The following FER1L6 variants were observed in gnomAD, a reference collection of about 807,000 sequenced individuals.
FER1L6 encodes the protein fer-1-like protein 6.
In FER1L6, 177 loss-of-function variants were observed where a neutral mutation model predicts 219.2. The observed-to-expected ratio is 0.81, with a 90% confidence interval of 0.71 to 0.91. The LOEUF is 0.91. Among genes scored for constraint, FER1L6 ranks in the 40% least tolerant of loss-of-function variants. FER1L6 has a pLI of 0.00. For synonymous variants in FER1L6, 768 were observed against 824.3 expected (o/e 0.93, Z 1.17); for missense variants, 2,153 against 2,259.9 (o/e 0.95, Z 0.96).
At chr8:124,012,054 C>T (rs1378388919) in intron 14 of FER1L6, among the ~76,000 whole-genome samples, 1 of 152,142 alleles carries the variant, frequency 6.6e-6, no homozygotes, top group Non-Finnish European at 1.5e-5. Context: ...TGACATCTTG[C>T]ACCTCCCCTT....
intron 1 of FER1L6, among the ~76,000 whole-genome samples, chr8:123,911,927 G>A (rs565080906): frequency 5.3e-5 from 8 of 152,166 alleles, no homozygotes; most frequent in Non-Finnish European, 1.0e-4. Flanking sequence ...TGGCGTGTGC[G>A]CTGTGAAGTC....
intron 22 of FER1L6, 60 bp downstream of exon 22, chr8:124,049,816 C>T (rs374213355): frequency 2.6e-6 from 4 of 1,538,974 alleles, no homozygotes; most frequent in East Asian, 4.5e-5. Flanking sequence ...GAAGTGGCCT[C>T]ACCACAAATG....
At chr8:123,995,143 T>C (rs902877089) in intron 12 of FER1L6, among the ~76,000 whole-genome samples, 2 of 152,238 alleles carry the variant, frequency 1.3e-5, no homozygotes, top group African/African-American at 2.4e-5. Flanking sequence ...AGTTCCTGCA[T>C]TGTTTCTTGA....
At chr8:123,975,753 G>T in intron 8 of FER1L6, 145 bp from the exon 9 acceptor site, 1 of 669,966 alleles carries the variant, frequency 1.5e-6, no homozygotes, top group Non-Finnish European at 2.5e-6. Context: ...ACACTATAAA[G>T]AAAACTCATT....
intron 1 of FER1L6, among the ~76,000 whole-genome samples, chr8:123,875,189 A>T (rs10111359): frequency 6.6e-6 from 1 of 151,460 alleles, no homozygotes; most frequent in Non-Finnish European, 1.5e-5. Context: ...AGTGAGACTC[A>T]GTCTAAAAAA....
chr8:123,934,040 C>T (rs1813887797), intron 1 of FER1L6, among the ~76,000 whole-genome samples: 1 of 152,088 alleles, frequency 6.6e-6, no homozygotes, highest in African/African-American at 2.4e-5. Flanking sequence ...TCATCATTTC[C>T]TAAGAACAAG....
At chr8:124,054,656 G>A (rs1820199691) in intron 22 of FER1L6, among the ~76,000 whole-genome samples, 1 of 152,142 alleles carries the variant, frequency 6.6e-6, no homozygotes. Context: ...CAACTAACTG[G>A]GCAAAGAGCC....
rs966220920 is a variant in FER1L6 at position 124,097,978 on chromosome 8, C to T, written c.4883+95C>T. On this transcript the variant is annotated intron_variant, in intron 37 of 40. Coordinates refer to ENST00000522917, the MANE Select transcript of FER1L6 (RefSeq NM_001039112.2). ...TATGCCTCATGGAGGATACTAAACC[C>T]ACAGCCCACAAAGTGAGCCATCTTA... The T allele has an allele frequency of 9.0e-6, 6 of 663,236 alleles. No individual in the cohort carries two copies. The Admixed American group carries it at 1.1e-4, about 12-fold the overall frequency. 41.1% of individuals were successfully genotyped at this position (663,236 alleles called of 1,614,324 possible).
At chr8:123,916,310 A>G (rs1041513972) in intron 1 of FER1L6, among the ~76,000 whole-genome samples, 1 of 152,242 alleles carries the variant, frequency 6.6e-6, no homozygotes, top group Non-Finnish European at 1.5e-5. Context: ...CTTGGATGGC[A>G]CCTGGAACAA....
intron 39 of FER1L6, among the ~76,000 whole-genome samples, chr8:124,118,171 A>G (rs116763412): frequency 1.3e-3 from 196 of 152,334 alleles, no homozygotes; most frequent in African/African-American, 4.5e-3. Flanking sequence ...AGGCGTGAAC[A>G]AGAGAAAATG....
Position 123,975,316 on chromosome 8 carries a change from G to A in FER1L6, c.683+10G>A, listed in dbSNP as rs775829770. 2 of 1,601,838 alleles carry A rather than the reference G, an allele frequency of 1.2e-6. No individual in the cohort carries two copies. Among genetic ancestry groups the A allele is most frequent in the Non-Finnish European group, 1.7e-6 (2 of 1,173,194 alleles). On this transcript the variant is annotated intron_variant, in intron 8 of 40. Coordinates refer to ENST00000522917, the MANE Select transcript of FER1L6 (RefSeq NM_001039112.2). ...AGGAGCCAATAGAAAAGTAAGACAG[G>A]TCCATCCTGGGTTGTGCATAGAAAT...
chr8:124,080,381 G>A (rs1406455733), intron 32 of FER1L6, among the ~76,000 whole-genome samples: 3 of 151,954 alleles, frequency 2.0e-5, no homozygotes, highest in Non-Finnish European at 2.9e-5. Context: ...GCAGTGGCGC[G>A]ATCTTGGCTC....
chr8:123,979,020 A>G (rs1816210703), intron 10 of FER1L6, among the ~76,000 whole-genome samples: 1 of 152,216 alleles, frequency 6.6e-6, no homozygotes, highest in Admixed American at 6.5e-5. Context: ...CAGGACCATA[A>G]AATCTTTCTA....
chr8:124,060,777 T>C, intron 24 of FER1L6, 68 bp downstream of exon 24: 2 of 1,510,656 alleles, frequency 1.3e-6, no homozygotes, highest in Non-Finnish European at 1.8e-6. Flanking sequence ...GTTTTAGGGT[T>C]TCAGATGTCC....
rs1216429451 is a variant in FER1L6, at chr8:123,865,053, T to C, written c.-8+12868T>C. On this transcript the variant is annotated intron_variant, in intron 1 of 40. Coordinates refer to ENST00000522917, the MANE Select transcript of FER1L6 (RefSeq NM_001039112.2). ...CTGCGTTCCTTTGGAGGAGGAGAGG[T>C]GCTCTGTGTTTTAGAGTTTCCAGTT... Among the ~76,000 whole-genome samples, 18 of 151,080 alleles carry C rather than the reference T, an allele frequency of 1.2e-4. No homozygotes were observed. The East Asian group carries it at 3.1e-3, about 26-fold the overall frequency.
At chr8:123,888,738 T>C (rs1474251718) in intron 1 of FER1L6, among the ~76,000 whole-genome samples, 29 of 152,208 alleles carry the variant, frequency 1.9e-4, no homozygotes, top group Admixed American at 1.9e-3. Context: ...GTTCGTAGAC[T>C]GGTGAGTTTG....
chr8:123,966,521 C>T (rs534332052), intron 5 of FER1L6, among the ~76,000 whole-genome samples: 10 of 152,310 alleles, frequency 6.6e-5, no homozygotes, highest in African/African-American at 2.4e-4. Context: ...TTCACTGCTA[C>T]GTTTTCAACA....
At chr8:123,930,895 G>A (rs1813738224) in intron 1 of FER1L6, among the ~76,000 whole-genome samples, 1 of 152,164 alleles carries the variant, frequency 6.6e-6, no homozygotes, top group Non-Finnish European at 1.5e-5. Flanking sequence ...TTTGTGAGGA[G>A]GCATGGGTTG....
Position 124,103,201 on chromosome 8 carries a change from C to T in FER1L6, c.5181C>T (p.Ala1727=). ...CTCGAGCAGCTAAGTCTGCCAAAGC[C>T]TGTGATCTTGCCAAGTTTGAAAATG... is the stretch of plus-strand genomic sequence containing the variant. ...SFPRAAKSAK[A]CDLAKFENAS... The change falls in exon 39 of 41, where the codon GCC becomes GCT. Residue 1727 remains alanine, a synonymous_variant. Coordinates refer to ENST00000522917, the MANE Select transcript of FER1L6 (RefSeq NM_001039112.2). 6.2e-7 allele frequency: 1 copy of T among 1,614,164 alleles called. No homozygotes were observed. Among genetic ancestry groups the T allele is most frequent in the Non-Finnish European group, 8.5e-7 (1 of 1,180,006 alleles).
Sources: allele counts gnomAD v4.1 joint callset (sites outside exome capture counted in the v4.1 genomes callset), GRCh38; gene constraint gnomAD v4.1.1; transcripts MANE v1.5; gene names NCBI Gene and HGNC (gene_info 2026-07-23, HGNC 2026-07-21).